The following ANO1 variants were observed in gnomAD, a reference collection of about 807,000 sequenced individuals.
The protein encoded by ANO1 is anoctamin 1.
In ANO1, 59 loss-of-function variants were observed where a neutral mutation model predicts 124.0. That is an observed-to-expected ratio of 0.48 (90% confidence interval 0.39 to 0.59). The LOEUF (loss-of-function observed/expected upper bound fraction) is 0.59. Among genes scored for constraint, ANO1 ranks in the 20% least tolerant of loss-of-function variants. The pLI is 0.00. For synonymous variants in ANO1, 529 were observed against 532.0 expected (o/e 0.99, Z 0.08); for missense variants, 1,059 against 1,328.0 (o/e 0.80, Z 3.15).
chr11:70,103,051 T>C lies in ANO1; in HGVS notation c.442-15T>C, dbSNP rs201828577. On this transcript the variant is annotated splice_polypyrimidine_tract_variant and intron_variant, in intron 2 of 25. Transcript: ENST00000355303. ...ACCGCCCCCCCTCAACCCAGAACTTTCCTTCTCTCTCCAGACTAAAATCCA... is the reference window on the plus strand; with the variant it reads ...ACCGCCCCCCCTCAACCCAGAACTTCCCTTCTCTCTCCAGACTAAAATCCA... 1.8e-5 allele frequency: 29 copies of C among 1,597,930 alleles called. No homozygotes were observed. The highest frequency in any genetic ancestry group is 2.5e-5 in the Non-Finnish European group (29 of 1,171,128).
At chr11:70,124,893 G>T (rs2046431217) in intron 9 of ANO1, among the ~76,000 whole-genome samples, 1 of 152,204 alleles carries the variant, frequency 6.6e-6, no homozygotes, top group South Asian at 2.1e-4. Flanking sequence ...AATATGAGGA[G>T]CAATTGGTTT....
At chr11:70,085,290 C>A in intron 1 of ANO1, 3 of 1,212,536 alleles carry the variant, frequency 2.5e-6, no homozygotes, top group Non-Finnish European at 3.3e-6. Context: ...GAACCCACTG[C>A]CCTCAAAAGC....
intron 11 of ANO1, 190 bp from the exon 12 acceptor site, chr11:70,149,520 G>A (rs899356815): frequency 8.2e-5 from 46 of 558,740 alleles, no homozygotes; most frequent in African/African-American, 1.7e-4. Flanking sequence ...GTGTGGTGGC[G>A]CATGCCTGTA....
At chr11:70,024,487 C>T (rs1856857896) in intron 1 of ANO1, among the ~76,000 whole-genome samples, 1 of 152,172 alleles carries the variant, frequency 6.6e-6, no homozygotes, top group Non-Finnish European at 1.5e-5. Flanking sequence ...GAGCTTCAGA[C>T]AGTGGCCCAA....
At chr11:70,124,765 C>T (rs2046427102) in intron 9 of ANO1, among the ~76,000 whole-genome samples, 1 of 152,132 alleles carries the variant, frequency 6.6e-6, no homozygotes, top group South Asian at 2.1e-4. Flanking sequence ...TTCTTCTCTC[C>T]CAAGAGGATC....
intron 11 of ANO1, among the ~76,000 whole-genome samples, chr11:70,133,091 C>G (rs2046825691): frequency 6.6e-6 from 1 of 152,172 alleles, no homozygotes; most frequent in South Asian, 2.1e-4. Flanking sequence ...GGGGCAGGCT[C>G]CCGGGGCCAG....
At chr11:70,107,348 A>T (rs1409981376) in intron 5 of ANO1, among the ~76,000 whole-genome samples, 1 of 152,032 alleles carries the variant, frequency 6.6e-6, no homozygotes, top group Non-Finnish European at 1.5e-5. Context: ...GGGACCCTGG[A>T]CCTATTCCAA....
At chr11:70,132,220 C>T (rs1221675589) in intron 11 of ANO1, 141 bp downstream of exon 11, 27 of 1,158,620 alleles carry the variant, frequency 2.3e-5, no homozygotes, top group African/African-American at 1.2e-4. Flanking sequence ...CTGGTGGAAA[C>T]GACCCCTGTT....
At chr11:70,031,401 A>C (rs1856999031) in intron 1 of ANO1, among the ~76,000 whole-genome samples, 1 of 152,212 alleles carries the variant, frequency 6.6e-6, no homozygotes, top group African/African-American at 2.4e-5. Flanking sequence ...CATACTATTG[A>C]CTGCAGTCCC....
intron 1 of ANO1, among the ~76,000 whole-genome samples, chr11:70,004,407 C>T (rs1181905551): frequency 4.6e-5 from 7 of 152,194 alleles, no homozygotes; most frequent in African/African-American, 1.4e-4. Flanking sequence ...TTTACAGGGA[C>T]CATCTCATGA....
At position 70,078,536 on chromosome 11, in the gene ANO1, C is replaced by T. The variant is rs901814192; in HGVS notation, c.-71C>T. 95 of 1,128,942 alleles carry T rather than the reference C, an allele frequency of 8.4e-5. No individual in the cohort carries two copies. The highest frequency in any genetic ancestry group is 1.1e-4 in the Non-Finnish European group (91 of 858,098). 69.9% of individuals were successfully genotyped at this position (1,128,942 alleles called of 1,614,324 possible). A position where few individuals can be genotyped will look rare whatever the true frequency, so the allele number is the denominator to read the frequency against. ...GCGCCGCGAACGCTGCGGTCTCCGC[C>T]CGCAGAGGCCGCCGGGGCCGTGGAT... On this transcript the variant is annotated 5_prime_UTR_variant, in exon 1 of 26. Transcript: ENST00000355303.
chr11:70,170,079 A>T (rs1434228452), intron 21 of ANO1: 1 of 448,520 alleles, frequency 2.2e-6, no homozygotes, highest in Non-Finnish European at 4.5e-6. Flanking sequence ...GGCAGAGGCG[A>T]GGGACTGTCC....
chr11:69,967,271 C>T, the ANO1 span, among the ~76,000 whole-genome samples: 2 of 151,800 alleles, frequency 1.3e-5, no homozygotes, highest in East Asian at 3.9e-4. Context: ...CTGTATTGCA[C>T]GTTAGCTAGC....
intron 6 of ANO1, among the ~76,000 whole-genome samples, chr11:70,108,999 G>A (rs1287608221): frequency 2.0e-5 from 3 of 152,202 alleles, no homozygotes; most frequent in Admixed American, 6.5e-5. Context: ...CCCACAGTGG[G>A]TCCCTTGCCC....
At chr11:70,180,217 T>C (rs1313213836) in intron 23 of ANO1, among the ~76,000 whole-genome samples, 161 bp downstream of exon 23, 1 of 152,010 alleles carries the variant, frequency 6.6e-6, no homozygotes, top group Non-Finnish European at 1.5e-5. Flanking sequence ...CTTGACCGCA[T>C]GGCATGGGGA....
chr11:70,131,861 A>G, intron 10 of ANO1, 58 bp from the exon 11 acceptor site: 1 of 1,554,422 alleles, frequency 6.4e-7, no homozygotes, highest in Non-Finnish European at 8.7e-7. Context: ...CTCGGCACCC[A>G]GGAGGTGCTC....
intron 16 of ANO1, among the ~76,000 whole-genome samples, chr11:70,160,213 A>G (rs533800102): frequency 1.2e-4 from 19 of 152,264 alleles, no homozygotes; most frequent in Admixed American, 2.6e-4. Flanking sequence ...ACGGGGACAC[A>G]GGGTGACAAG....
chr11:70,004,165 C>T (rs564245576), intron 1 of ANO1, among the ~76,000 whole-genome samples: 2 of 152,326 alleles, frequency 1.3e-5, no homozygotes, highest in African/African-American at 4.8e-5. Flanking sequence ...CCCCACCTGA[C>T]TTTGTCTTCA....
chr11:70,078,998 G>A (rs139078449), intron 1 of ANO1, among the ~76,000 whole-genome samples: 2,459 of 152,192 alleles, frequency 0.016, 55 homozygotes, highest in African/African-American at 0.055. Context: ...GAGCTCTGCG[G>A]CCCCGAAGCC....
Sources: allele counts gnomAD v4.1 joint callset (sites outside exome capture counted in the v4.1 genomes callset), GRCh38; gene constraint gnomAD v4.1.1; transcripts MANE v1.5; gene names NCBI Gene and HGNC (gene_info 2026-07-23, HGNC 2026-07-21).